Variants in UBE2H observed in about 807,000 individuals in gnomAD.
The protein encoded by UBE2H is ubiquitin-conjugating enzyme E2 H.
A neutral mutation model predicts 29.0 loss-of-function variants in UBE2H; 3 were observed. That is an observed-to-expected ratio of 0.10 (90% CI 0.05 to 0.27). UBE2H has a LOEUF of 0.27. Ranked by LOEUF, UBE2H falls within the 10% of genes least tolerant of loss-of-function variation. UBE2H has a pLI of 1.00. For missense variants in UBE2H, 68 were observed against 228.2 expected (o/e 0.30, Z 4.52); for synonymous variants, 69 against 82.9 (o/e 0.83, Z 0.91).
At chr7:129,951,223 G>A (rs1404347931) in intron 1 of UBE2H, 1 of 152,064 alleles carries the variant, frequency 6.6e-6, no homozygotes, top group African/African-American at 2.4e-5. Flanking sequence ...CTACAAAGAG[G>A]TAAAACACTC....
At chr7:129,862,252 A>G (rs1169344096) in intron 3 of UBE2H, among the ~76,000 whole-genome samples, 1 of 152,236 alleles carries the variant, frequency 6.6e-6, no homozygotes, top group East Asian at 1.9e-4. Context: ...AATTAAAAAT[A>G]CGTTCTTGAT....
chr7:129,891,826 A>AAC (rs376351496), intron 1 of UBE2H, among the ~76,000 whole-genome samples: 38 of 149,214 alleles, frequency 2.5e-4, no homozygotes, highest in South Asian at 6.5e-4. Context: ...AAAAAAAAAA[A>AAC]ACACACACAC....
In UBE2H at chr7:129,844,113, G is replaced by A. The variant is rs534516216; in HGVS notation, c.299-4778C>T. The stretch of plus-strand genomic sequence containing the variant: ...TTGGTTCTTCCTTCCTGTATCTACC[G>A]TCTTCCTGCATTAACACATTTTTGA... On this transcript the variant is annotated intron_variant, in intron 5 of 6. Transcript: ENST00000355621. Among the ~76,000 whole-genome samples the A allele has an allele frequency of 3.9e-5, 6 of 152,188 alleles. No homozygotes were observed. In the South Asian group the frequency reaches 1.2e-3, roughly 32 times the overall value.
chr7:129,879,878 A>G (rs1054172847), intron 2 of UBE2H, among the ~76,000 whole-genome samples: 2 of 152,244 alleles, frequency 1.3e-5, no homozygotes, highest in African/African-American at 4.8e-5. Flanking sequence ...TGATTCTTCA[A>G]AAGTACTAAA....
At chr7:129,927,023 T>A (rs1807283692) in intron 1 of UBE2H, among the ~76,000 whole-genome samples, 1 of 152,218 alleles carries the variant, frequency 6.6e-6, no homozygotes, top group Non-Finnish European at 1.5e-5. Context: ...ACATTCTGCT[T>A]CCACCAGGAA....
intron 1 of UBE2H, among the ~76,000 whole-genome samples, chr7:129,929,964 C>T (rs535356962): frequency 6.6e-6 from 1 of 152,060 alleles, no homozygotes; most frequent in Non-Finnish European, 1.5e-5. Flanking sequence ...GAGCCAAGAT[C>T]GCACTGCTGC....
chr7:129,872,880 G>C, intron 3 of UBE2H, among the ~76,000 whole-genome samples: 1 of 136,922 alleles, frequency 7.3e-6, no homozygotes, highest in Non-Finnish European at 1.6e-5. Flanking sequence ...AAAGAATTAT[G>C]GCACACTGGT....
At chr7:129,924,827 G>A (rs565596871) in intron 1 of UBE2H, among the ~76,000 whole-genome samples, 29 of 151,850 alleles carry the variant, frequency 1.9e-4, no homozygotes, top group Non-Finnish European at 3.8e-4. Flanking sequence ...AGCCCTGGAC[G>A]GTCCTCCAGG....
chr7:129,948,157 CTT>C (rs755539582), intron 1 of UBE2H, among the ~76,000 whole-genome samples: 13 of 143,828 alleles, frequency 9.0e-5, no homozygotes, highest in Non-Finnish European at 1.1e-4. Context: ...ACTGTGCCAG[CTT>C]TTTTTTTTTT....
chr7:129,930,458 G>T (rs1355465678), intron 1 of UBE2H, among the ~76,000 whole-genome samples: 2 of 151,892 alleles, frequency 1.3e-5, no homozygotes, highest in Non-Finnish European at 2.9e-5. Context: ...GCCACCTCAT[G>T]CGGTCTACAT....
chr7:129,946,206 C>T (rs936910140), intron 1 of UBE2H, among the ~76,000 whole-genome samples: 10 of 151,462 alleles, frequency 6.6e-5, no homozygotes, highest in African/African-American at 2.4e-4. Context: ...GCGCCCGCCA[C>T]CACGCCCGGC....
At chr7:129,940,391 T>C (rs1450512622) in intron 1 of UBE2H, among the ~76,000 whole-genome samples, 1 of 152,168 alleles carries the variant, frequency 6.6e-6, no homozygotes, top group Admixed American at 6.6e-5. Context: ...ATATGGATCC[T>C]CCAAGTGCTA....
intron 3 of UBE2H, among the ~76,000 whole-genome samples, chr7:129,863,302 G>A (rs1423203015): frequency 1.3e-5 from 2 of 152,226 alleles, no homozygotes; most frequent in Non-Finnish European, 2.9e-5. Flanking sequence ...CACTAGTACA[G>A]AGGGCAGAAT....
At chr7:129,881,772 G>A (rs1432338959) in intron 1 of UBE2H, among the ~76,000 whole-genome samples, 1 of 151,886 alleles carries the variant, frequency 6.6e-6, no homozygotes, top group African/African-American at 2.4e-5. Flanking sequence ...ATTCCCTTTA[G>A]TCAAATTCAA....
At chr7:129,941,319 C>G (rs2099465177) in intron 1 of UBE2H, among the ~76,000 whole-genome samples, 1 of 151,940 alleles carries the variant, frequency 6.6e-6, no homozygotes, top group Non-Finnish European at 1.5e-5. Flanking sequence ...TTAGTAGAGA[C>G]AGGGTTTCAC....
intron 1 of UBE2H, among the ~76,000 whole-genome samples, chr7:129,886,752 T>G (rs1473492167): frequency 9.8e-5 from 13 of 133,120 alleles, no homozygotes; most frequent in African/African-American, 3.8e-4. Flanking sequence ...CACTACCTGG[T>G]TTTTTGTTTT....
chr7:129,891,291 G>A (rs1010857141), intron 1 of UBE2H, among the ~76,000 whole-genome samples: 2 of 151,796 alleles, frequency 1.3e-5, no homozygotes, highest in Non-Finnish European at 2.9e-5. Context: ...GTTCAAGAGA[G>A]TCTCCTGCCT....
chr7:129,907,325 T>G (rs925737692), intron 1 of UBE2H, among the ~76,000 whole-genome samples: 8 of 151,998 alleles, frequency 5.3e-5, no homozygotes, highest in Admixed American at 2.0e-4. Context: ...CAGTAAAGCC[T>G]GGATCGTGTA....
chr7:129,926,102 G>A (rs544745057), intron 1 of UBE2H, among the ~76,000 whole-genome samples: 1 of 152,320 alleles, frequency 6.6e-6, no homozygotes, highest in South Asian at 2.1e-4. Flanking sequence ...TGTGACTGAA[G>A]CCTATAGTTA....
Sources: allele counts gnomAD v4.1 joint callset (sites outside exome capture counted in the v4.1 genomes callset), GRCh38; gene constraint gnomAD v4.1.1; transcripts MANE v1.5; gene names NCBI Gene and HGNC (gene_info 2026-07-23, HGNC 2026-07-21).